Variants in UBTF observed in about 807,000 individuals in gnomAD.
UBTF encodes nucleolar transcription factor 1.
UBTF carries 8 observed loss-of-function variants against 112.3 expected under a neutral mutation model. The ratio of observed to expected loss-of-function variants is 0.07; its 90% confidence interval spans 0.04 to 0.13. UBTF has a LOEUF of 0.13. UBTF is among the 10% of genes least tolerant of loss of function. The probability of loss-of-function intolerance (pLI) is 1.00; values close to 1 mark genes in which losing one functional copy is unlikely to be tolerated. For missense variants in UBTF, 457 were observed against 982.1 expected (o/e 0.47, Z 7.15); for synonymous variants, 417 against 373.1 (o/e 1.12, Z -1.36).
rs1023446341 is a variant in UBTF, at chr17:44,209,731, T to C, written c.1629A>G (p.Arg543=). 3 of 1,613,946 alleles carry C rather than the reference T, an allele frequency of 1.9e-6. No homozygotes were observed. The African/African-American group carries it at 4.0e-5, about 22-fold the overall frequency. Residue 543 remains arginine, a splice_region_variant and synonymous_variant, in exon 16 of 21, where the codon AGA becomes AGG. Coordinates refer to ENST00000436088, the MANE Select transcript of UBTF (RefSeq NM_014233.4). The stretch of plus-strand genomic sequence containing the variant: ...GAGGTGCCCGCATCTCACTCAGCTC[T>C]CTCTGGAGGGAGAAAGGTCACGCTC... ...KAAEDQKRYE[R]ELSEMRAPPA...
intron 5 of UBTF, among the ~76,000 whole-genome samples, chr17:44,213,971 A>C (rs1598252637): frequency 8.9e-5 from 12 of 134,726 alleles, no homozygotes; most frequent in Admixed American, 2.2e-4. Context: ...TCCCTTCATC[A>C]CCCCCTTTTT....
chr17:44,210,697 C>G (rs1267912261), intron 13 of UBTF, 95 bp downstream of exon 13: 1 of 1,499,502 alleles, frequency 6.7e-7, no homozygotes, highest in Non-Finnish European at 8.9e-7. Flanking sequence ...CCGCGTGGCT[C>G]AGGCGGCCAG....
intron 3 of UBTF, 141 bp downstream of exon 3, chr17:44,216,388 A>G (rs766176264): frequency 4.0e-6 from 4 of 1,005,408 alleles, no homozygotes; most frequent in Non-Finnish European, 6.0e-6. Context: ...CCCAAAATGC[A>G]AAGGGGCAGG....
In UBTF at chr17:44,215,824, A is replaced by C; in HGVS notation, c.319-15T>G. On this transcript the variant is annotated splice_polypyrimidine_tract_variant and intron_variant, in intron 4 of 20. Transcript: ENST00000436088. ...TCTGGGTGTTTCTGGAAGAAGGGAC[A>C]AGGACACAATGGAGGTCAAATACAT... The C allele has an allele frequency of 1.1e-5, 17 of 1,614,096 alleles. No homozygotes were observed. Among genetic ancestry groups the C allele is most frequent in the Non-Finnish European group, 1.4e-5 (17 of 1,179,992 alleles).
At chr17:44,213,101 CAT>C (rs1424689892) in intron 6 of UBTF, 115 bp downstream of exon 6, 28 of 1,533,616 alleles carry the variant, frequency 1.8e-5, no homozygotes, top group Non-Finnish European at 2.4e-5. Flanking sequence ...CTAGGGCTCA[CAT>C]GTGACCCATC....
Position 44,206,751 on chromosome 17 carries a change from A to G in UBTF, c.*491T>C, listed in dbSNP as rs1192996360. ...ACCAGGGCAGTGCCTGTTTTCTTGA[A>G]GGCACCGACCCTCCTCCTCCCCATG... On this transcript the variant is annotated 3_prime_UTR_variant, in exon 21 of 21. Coordinates refer to ENST00000436088, the MANE Select transcript of UBTF (RefSeq NM_014233.4). The G allele has an allele frequency of 1.2e-5, 2 of 172,890 alleles. No homozygotes were observed. Among genetic ancestry groups the G allele is most frequent in the African/African-American group, 4.8e-5 (2 of 41,936 alleles). The allele number at this position is 172,890 out of a possible 1,614,324, so 10.7% of individuals were successfully genotyped here.
chr17:44,212,932 G>A lies in UBTF; in HGVS notation c.547C>T (p.His183Tyr). ...ERNLARFRED[H>Y]PDLIQNAKKS... is the part of the protein sequence containing the mutation. ...TTGGCATTCTGGATTAGGTCGGGGTGATCCTCCCTAGCCAGGACACGGGGA... is the reference window on the plus strand; with the variant it reads ...TTGGCATTCTGGATTAGGTCGGGGTAATCCTCCCTAGCCAGGACACGGGGA... Residue 183 changes from histidine to tyrosine, a missense_variant, in exon 7 of 21, where the codon CAC becomes TAC. His to Tyr is a moderately conservative substitution (Grantham distance 83, BLOSUM62 2). Transcript: ENST00000436088. The A allele has an allele frequency of 6.2e-7, 1 of 1,614,018 alleles. No individual in the cohort carries two copies.
In UBTF at chr17:44,210,833, G is replaced by C. The variant is rs759134397; in HGVS notation, c.1318C>G (p.Leu440Val). The C allele has an allele frequency of 6.4e-7, 1 of 1,569,280 alleles. No homozygotes were observed. Among genetic ancestry groups the C allele is most frequent in the Non-Finnish European group, 8.6e-7 (1 of 1,156,396 alleles). Reference protein sequence around the residue: ...PELSESELTRLLARMWNDLSE... With the variant: ...PELSESELTRVLARMWNDLSE... ...AGGTCGTTCCACATTCGGGCCAGCA[G>C]GCGGGTCAGCTCGCTCTCGGAGAGC... Residue 440 changes from leucine to valine, a missense_variant, in exon 13 of 21, where the codon CTG (leucine) becomes GTG (valine). Physicochemically the swap from Leu to Val is conservative, Grantham distance 32. Coordinates refer to ENST00000436088, the MANE Select transcript of UBTF (RefSeq NM_014233.4).
chr17:44,208,043 G>A (rs1486986545), intron 17 of UBTF, 132 bp from the exon 18 acceptor site: 1 of 1,032,354 alleles, frequency 9.7e-7, no homozygotes, highest in Non-Finnish European at 1.4e-6. Flanking sequence ...AGGCTCCCTA[G>A]ATTTTGGGTC....
rs2056671975 is a variant in UBTF, at chr17:44,211,448, C to G, written c.1048-117G>C. The G allele has an allele frequency of 1.9e-6, 3 of 1,568,888 alleles. No individual in the cohort carries two copies. In the East Asian group the frequency reaches 6.7e-5, roughly 35 times the overall value. On this transcript the variant is annotated intron_variant, in intron 10 of 20. Coordinates refer to ENST00000436088, the MANE Select transcript of UBTF (RefSeq NM_014233.4). This position sits in a 1 kb window ranked among gnomAD's most constrained non-coding sequence, Gnocchi z 4.9. ...CAGAGCCTGGGTGTGGGCTGGACTC[C>G]CTGCCTGGACGGGCTCAGTTGCTAA...
chr17:44,210,884 G>A lies in UBTF; in HGVS notation c.1267C>T (p.Arg423Trp). The A allele has an allele frequency of 6.3e-7, 1 of 1,595,202 alleles. No homozygotes were observed. The highest frequency in any genetic ancestry group is 8.5e-7 in the Non-Finnish European group (1 of 1,171,332). ...AMFIFSEEKRRQLQEERPELS... is the reference protein window; with the variant it reads ...AMFIFSEEKRWQLQEERPELS... ...TCAGGCCGCTCCTCCTGCAGCTGCC[G>A]CCGTTTCTCCTCCGAGAAGATGAAC... is the stretch of plus-strand genomic sequence containing the variant. The change falls in exon 13 of 21, where the codon CGG (arginine) becomes TGG (tryptophan). Residue 423 changes from arginine to tryptophan, a missense_variant. Transcript: ENST00000436088.
chr17:44,216,798 G>A (rs185638304), intron 2 of UBTF, 94 bp from the exon 3 acceptor site: 2 of 1,280,814 alleles, frequency 1.6e-6, no homozygotes, highest in East Asian at 4.6e-5. Context: ...CCTCCCTAGG[G>A]CATCCCAGCC....
upstream of UBTF, among the ~76,000 whole-genome samples, chr17:44,220,561 T>C (rs1247735238): frequency 6.7e-6 from 1 of 149,630 alleles, no homozygotes; most frequent in African/African-American, 2.5e-5. Context: ...TCCCCGTTGC[T>C]CTTTACACCC....
In UBTF at chr17:44,205,167, T is replaced by C. The variant is rs1350303925; in HGVS notation, c.*2075A>G. 1 of 152,614 alleles carries C rather than the reference T, an allele frequency of 6.6e-6. No individual in the cohort carries two copies. Among genetic ancestry groups the C allele is most frequent in the East Asian group, 1.9e-4 (1 of 5,198 alleles). 9.5% of individuals were successfully genotyped at this position (152,614 alleles called of 1,614,324 possible). On this transcript the variant is annotated 3_prime_UTR_variant, in exon 21 of 21. Coordinates refer to ENST00000436088, the MANE Select transcript of UBTF (RefSeq NM_014233.4). ...ATACAAATTCAAGTTGTGGTGGTTG[T>C]TGAATCCTACAAAACACTCCTTAAA...
rs953446621 is a variant in UBTF, at chr17:44,219,611, TGTG to T, written c.-237_-235del. On this transcript the variant is annotated 5_prime_UTR_variant, in exon 1 of 21. Transcript: ENST00000436088. ...GCGCTGGGGCGGCGGCTGCTGCTGC[TGTG>T]GCGGCGGCGGCGGCGGCGGCGGCTG... 22 of 42,518 alleles carry T rather than the reference TGTG, an allele frequency of 5.2e-4. No individual in the cohort carries two copies. The highest frequency in any genetic ancestry group is 6.1e-3 in the Middle Eastern group (1 of 164). The allele number at this position is 42,518 out of a possible 1,614,324, so 2.6% of individuals were successfully genotyped here. A position where few individuals can be genotyped will look rare whatever the true frequency, so the allele number is the denominator to read the frequency against.
chr17:44,207,630 G>C, intron 19 of UBTF, 33 bp from the exon 20 acceptor site: 2 of 1,614,104 alleles, frequency 1.2e-6, no homozygotes, highest in Middle Eastern at 1.6e-4. Context: ...AGTGGTCTCT[G>C]GTCTCTGCCC....
At chr17:44,212,710 G>A in intron 7 of UBTF, 109 bp downstream of exon 7, 1 of 1,547,320 alleles carries the variant, frequency 6.5e-7, no homozygotes, top group Non-Finnish European at 8.7e-7. Flanking sequence ...CACCCCTGGG[G>A]AGGGGCCTCC....
chr17:44,210,092 A>G, intron 15 of UBTF, 32 bp downstream of exon 15: 1 of 1,611,052 alleles, frequency 6.2e-7, no homozygotes, highest in Non-Finnish European at 8.5e-7. Context: ...CCGAGCTTTC[A>G]ATGAATGGGG....
chr17:44,207,076 C>T lies in UBTF; in HGVS notation c.*166G>A, dbSNP rs1412486599. ...AGGCTGCAGAGTCCTGGCCTGGGCT[C>T]CTCCAGCCCCCTACCCCCACCGTAT... On this transcript the variant is annotated 3_prime_UTR_variant, in exon 21 of 21. Transcript: ENST00000436088. 1.2e-5 allele frequency: 9 copies of T among 757,850 alleles called. No homozygotes were observed. In the African/African-American group the frequency reaches 1.6e-4, roughly 13 times the overall value. The allele number at this position is 757,850 out of a possible 1,614,324, so 46.9% of individuals were successfully genotyped here. A position where few individuals can be genotyped will look rare whatever the true frequency, so the allele number is the denominator to read the frequency against.
Sources: gnomAD v4.1 joint callset for allele counts (sites outside exome capture counted in the v4.1 genomes callset) on GRCh38, gnomAD v4.1.1 for gene constraint, Gnocchi (gnomAD v3.1) non-coding constraint, MANE v1.5 for transcripts, NCBI Gene and HGNC (gene_info 2026-07-23, HGNC 2026-07-21) for gene names.